The following EFCAB6 variants were observed in gnomAD, a reference collection of about 807,000 sequenced individuals.
The protein encoded by EFCAB6 is EF-hand calcium-binding domain-containing protein 6.
In EFCAB6, 156 loss-of-function variants were observed where a neutral mutation model predicts 169.8. The ratio of observed to expected loss-of-function variants is 0.92; its 90% CI spans 0.81 to 1.05. EFCAB6 has a LOEUF of 1.05. Ranked by LOEUF, EFCAB6 falls within the 50% of genes least tolerant of loss-of-function variation. EFCAB6 has a pLI of 0.00. For missense variants in EFCAB6, 1,800 were observed against 1,829.1 expected (o/e 0.98, Z 0.29); for synonymous variants, 698 against 676.4 (o/e 1.03, Z -0.50).
intron 19 of EFCAB6, among the ~76,000 whole-genome samples, chr22:43,629,600 T>C (rs1289024188): frequency 6.6e-6 from 1 of 152,094 alleles, no homozygotes; most frequent in Non-Finnish European, 1.5e-5. Flanking sequence ...CACTGTTGAA[T>C]CTAACTGCAG....
intron 26 of EFCAB6, among the ~76,000 whole-genome samples, chr22:43,569,702 T>G (rs545046591): frequency 6.6e-6 from 1 of 152,312 alleles, no homozygotes; most frequent in Non-Finnish European, 1.5e-5. Flanking sequence ...TCAGCCTGAG[T>G]TACCCCTCAA....
chr22:43,692,834 A>T (rs1021581830), intron 10 of EFCAB6, among the ~76,000 whole-genome samples: 1 of 152,182 alleles, frequency 6.6e-6, no homozygotes, highest in Admixed American at 6.5e-5. Flanking sequence ...GAAGAAATAA[A>T]GGCCAAAATT....
Position 43,683,824 on chromosome 22 carries a change from T to C in EFCAB6, c.1174A>G (p.Asn392Asp). ...TGTCTAAATAACTTTGTGATGATGT[T>C]TTCCTTGTGAGATTCATTTCTAGAG... Reference protein sequence around the residue: ...INSRNESHKENIITKLFRHTE... With the variant: ...INSRNESHKEDIITKLFRHTE... The change falls in exon 12 of 32, where the codon AAC becomes GAC. Residue 392 changes from asparagine to aspartate, a missense_variant. Physicochemically the swap from Asn to Asp is conservative, Grantham distance 23. Coordinates refer to ENST00000262726, the MANE Select transcript of EFCAB6 (RefSeq NM_022785.4). The C allele has an allele frequency of 6.2e-7, 1 of 1,613,434 alleles. No homozygotes were observed. Among genetic ancestry groups the C allele is most frequent in the South Asian group, 1.1e-5 (1 of 91,070 alleles).
chr22:43,745,077 A>C (rs925415139), intron 6 of EFCAB6, among the ~76,000 whole-genome samples: 1 of 152,228 alleles, frequency 6.6e-6, no homozygotes, highest in East Asian at 1.9e-4. Context: ...GAGCTAAGAA[A>C]TCAAACTGCT....
intron 6 of EFCAB6, among the ~76,000 whole-genome samples, chr22:43,737,085 T>C (rs1394732683): frequency 6.6e-6 from 1 of 151,986 alleles, no homozygotes; most frequent in Non-Finnish European, 1.5e-5. Flanking sequence ...TCTCCTACTC[T>C]CTTGGTGAGA....
intron 17 of EFCAB6, among the ~76,000 whole-genome samples, chr22:43,663,714 T>C (rs1033418967): frequency 6.6e-6 from 1 of 152,192 alleles, no homozygotes; most frequent in Non-Finnish European, 1.5e-5. Context: ...CAAATTCATA[T>C]GTTTAGACCC....
chr22:43,710,711 C>T (rs1260488498), intron 10 of EFCAB6, among the ~76,000 whole-genome samples: 1 of 152,098 alleles, frequency 6.6e-6, no homozygotes, highest in African/African-American at 2.4e-5. Context: ...GTATGATCAA[C>T]AATGGTTGAT....
At chr22:43,613,966 G>A (rs2053506620) in intron 21 of EFCAB6, among the ~76,000 whole-genome samples, 1 of 151,820 alleles carries the variant, frequency 6.6e-6, no homozygotes, top group South Asian at 2.1e-4. Context: ...TTATATGCAA[G>A]AGCTATATAA....
At chr22:43,696,112 T>A (rs1490331966) in intron 10 of EFCAB6, among the ~76,000 whole-genome samples, 1 of 152,006 alleles carries the variant, frequency 6.6e-6, no homozygotes, top group East Asian at 1.9e-4. Context: ...AAATCAGCAA[T>A]AGGAAAATAA....
At position 43,709,157 on chromosome 22, in the gene EFCAB6, C is replaced by A. The variant is rs540300505; in HGVS notation, c.1031+2318G>T. Among the ~76,000 whole-genome samples, 6 of 152,206 alleles carry A rather than the reference C, an allele frequency of 3.9e-5. No individual in the cohort carries two copies. In the South Asian group the frequency reaches 1.2e-3, roughly 31 times the overall value. ...GGTGCAGTGGTGCAATCTTAGCTCACTGCAACCTCTGCCTCCTGGGTTCAA... is the reference window on the plus strand; with the variant it reads ...GGTGCAGTGGTGCAATCTTAGCTCAATGCAACCTCTGCCTCCTGGGTTCAA... On this transcript the variant is annotated intron_variant, in intron 10 of 31. Coordinates refer to ENST00000262726, the MANE Select transcript of EFCAB6 (RefSeq NM_022785.4).
At chr22:43,616,039 TC>T in intron 20 of EFCAB6, 117 bp from the exon 21 acceptor site, 1 of 722,080 alleles carries the variant, frequency 1.4e-6, no homozygotes, top group Non-Finnish European at 2.1e-6. Context: ...GTCTGTTATT[TC>T]ACTTCTGGTT....
At chr22:43,639,579 G>T (rs1219493490) in intron 17 of EFCAB6, among the ~76,000 whole-genome samples, 1 of 152,076 alleles carries the variant, frequency 6.6e-6, no homozygotes, top group Non-Finnish European at 1.5e-5. Flanking sequence ...CTGCTTTTAA[G>T]ATTTCTCTCT....
chr22:43,556,238 G>A (rs1170233724), intron 26 of EFCAB6, among the ~76,000 whole-genome samples: 2 of 152,118 alleles, frequency 1.3e-5, no homozygotes, highest in East Asian at 3.9e-4. Context: ...AAATGGGCAG[G>A]GCCTGGGAAG....
chr22:43,665,660 A>G (rs777001381), intron 17 of EFCAB6, among the ~76,000 whole-genome samples: 8 of 152,194 alleles, frequency 5.3e-5, no homozygotes, highest in Non-Finnish European at 1.2e-4. Context: ...CCTGAAATTC[A>G]GCTCCCATGG....
intron 3 of EFCAB6, among the ~76,000 whole-genome samples, chr22:43,780,433 G>C (rs1196229026): frequency 2.3e-5 from 3 of 129,190 alleles, no homozygotes; most frequent in African/African-American, 9.1e-5. Context: ...GTTGCAGTTA[G>C]CCAAGATCAT....
chr22:43,641,410 G>C (rs943866577), intron 17 of EFCAB6, among the ~76,000 whole-genome samples: 3 of 152,154 alleles, frequency 2.0e-5, no homozygotes, highest in African/African-American at 7.2e-5. Context: ...GAGGTCAGGA[G>C]TTCAAGACCA....
chr22:43,798,936 C>A (rs1368415560), intron 2 of EFCAB6, among the ~76,000 whole-genome samples: 1 of 152,222 alleles, frequency 6.6e-6, no homozygotes, highest in African/African-American at 2.4e-5. Flanking sequence ...CTGATCACTT[C>A]TGGGTCTCCA....
At chr22:43,618,303 T>C (rs2053882623) in intron 20 of EFCAB6, among the ~76,000 whole-genome samples, 1 of 139,962 alleles carries the variant, frequency 7.1e-6, no homozygotes, top group Non-Finnish European at 1.6e-5. Flanking sequence ...CCAAGAATGA[T>C]GGGGCAGGGG....
intron 20 of EFCAB6, among the ~76,000 whole-genome samples, chr22:43,618,165 G>GGAAAGAAA (rs1172174002): frequency 0.051 from 3,488 of 68,088 alleles, 228 homozygotes; most frequent in Middle Eastern, 0.08. Context: ...AAGGAAGGAA[G>GGAAAGAAA]GAAAGAAAGA....
Sources: allele counts gnomAD v4.1 joint callset (sites outside exome capture counted in the v4.1 genomes callset), GRCh38; gene constraint gnomAD v4.1.1; transcripts MANE v1.5; gene names NCBI Gene and HGNC (gene_info 2026-07-23, HGNC 2026-07-21).